The following NREP variants were observed in gnomAD, a reference collection of about 807,000 sequenced individuals.
The protein encoded by NREP is neuronal regeneration related protein.
A neutral mutation model predicts 8.6 loss-of-function variants in NREP; 5 were observed. The ratio of observed to expected loss-of-function variants is 0.58; its 90% CI spans 0.30 to 1.22. The LOEUF (loss-of-function observed/expected upper bound fraction) is 1.22. NREP is among the 50% of genes most tolerant of loss of function. The pLI is 0.07. For synonymous variants in NREP, 27 were observed against 28.0 expected (o/e 0.96, Z 0.11); for missense variants, 86 against 82.5 (o/e 1.04, Z -0.17).
At chr5:111,850,899 T>C (rs1415633784) in intron 2 of NREP, among the ~76,000 whole-genome samples, 5 of 152,180 alleles carry the variant, frequency 3.3e-5, no homozygotes, top group Admixed American at 1.3e-4. Flanking sequence ...GAATTACTAA[T>C]TCATTAATCA....
intron 2 of NREP, among the ~76,000 whole-genome samples, chr5:111,876,329 GC>G (rs1753908632): frequency 1.3e-5 from 2 of 152,106 alleles, no homozygotes; most frequent in South Asian, 4.2e-4. Flanking sequence ...CTCACTATCC[GC>G]CTAAATAATT....
intron 2 of NREP, among the ~76,000 whole-genome samples, chr5:111,788,236 A>C (rs1335806148): frequency 6.6e-6 from 1 of 152,240 alleles, no homozygotes; most frequent in Non-Finnish European, 1.5e-5. Context: ...CAATGGGCCA[A>C]AATGGCCAAA....
intron 2 of NREP, among the ~76,000 whole-genome samples, chr5:111,936,198 G>C (rs1031959654): frequency 6.6e-6 from 1 of 152,072 alleles, no homozygotes; most frequent in African/African-American, 2.4e-5. Flanking sequence ...TTCTGGAATG[G>C]TAATTCCCAT....
intron 2 of NREP, among the ~76,000 whole-genome samples, chr5:111,971,861 G>C (rs1348953324): frequency 2.0e-5 from 3 of 151,674 alleles, no homozygotes; most frequent in Non-Finnish European, 4.4e-5. Flanking sequence ...GACCCTGAAA[G>C]CGTGGGCAGC....
intron 2 of NREP, among the ~76,000 whole-genome samples, chr5:111,871,462 A>C (rs1466196399): frequency 6.6e-6 from 1 of 152,170 alleles, no homozygotes; most frequent in Non-Finnish European, 1.5e-5. Flanking sequence ...AGTACATTAT[A>C]CTACTGTAGA....
At chr5:111,976,826 C>A (rs768065873) in exon 1 of NREP, 5 of 1,010,478 alleles carry the variant, frequency 4.9e-6, no homozygotes, top group Non-Finnish European at 7.5e-6. Context: ...CAGCTCAGGA[C>A]ACAGCTCTGC....
chr5:111,958,938 G>A (rs978140483), intron 2 of NREP, among the ~76,000 whole-genome samples: 1 of 151,762 alleles, frequency 6.6e-6, no homozygotes, highest in Non-Finnish European at 1.5e-5. Context: ...TAATGAGACA[G>A]AATAGATAGC....
intron 2 of NREP, among the ~76,000 whole-genome samples, chr5:111,842,442 A>G (rs1379884063): frequency 6.6e-6 from 1 of 152,110 alleles, no homozygotes; most frequent in Non-Finnish European, 1.5e-5. Flanking sequence ...TTTTAAATTG[A>G]TAAAGACCTA....
rs553522007 is a variant in NREP at position 111,813,127 on chromosome 5, C to G, written c.136-77620G>C. 3.5e-3 allele frequency among the ~76,000 whole-genome samples: 540 copies of G among 152,214 alleles called. 4 individuals carry two copies. Among genetic ancestry groups the G allele is most frequent in the African/African-American group, 0.012 (508 of 41,524 alleles). Reference sequence around the variant, plus strand: ...CATCAGTATATAAAGAAGACCTTATCAAGCCCATTTTATAAATTAAAATTC... The same window carrying G: ...CATCAGTATATAAAGAAGACCTTATGAAGCCCATTTTATAAATTAAAATTC... On this transcript the variant is annotated intron_variant, in intron 2 of 3. Coordinates refer to the NREP transcript ENST00000395634.
chr5:111,746,246 T>TA (rs1749995259), intron 2 of NREP, among the ~76,000 whole-genome samples: 2 of 152,016 alleles, frequency 1.3e-5, no homozygotes, highest in South Asian at 2.1e-4. Context: ...TCATTTTTTT[T>TA]TAAAAAAAGG....
upstream of NREP, among the ~76,000 whole-genome samples, chr5:111,759,760 T>G (rs1719867591): frequency 1.3e-5 from 2 of 152,180 alleles, no homozygotes; most frequent in Non-Finnish European, 2.9e-5. Flanking sequence ...CCATGTCACC[T>G]CACTCAAACT....
intron 2 of NREP, among the ~76,000 whole-genome samples, chr5:111,961,223 C>T (rs1358950472): frequency 1.3e-5 from 2 of 152,176 alleles, no homozygotes; most frequent in African/African-American, 4.8e-5. Flanking sequence ...CACTTTGCTT[C>T]TCATGGATTA....
chr5:111,898,997 A>G (rs1754578912), intron 2 of NREP, among the ~76,000 whole-genome samples: 2 of 152,304 alleles, frequency 1.3e-5, no homozygotes, highest in South Asian at 4.1e-4. Context: ...CAGCCAAGCT[A>G]TTATTCAAAA....
At chr5:111,972,726 G>C (rs534711222) in intron 2 of NREP, among the ~76,000 whole-genome samples, 1 of 152,022 alleles carries the variant, frequency 6.6e-6, no homozygotes, top group Non-Finnish European at 1.5e-5. Context: ...ATCTAGACCC[G>C]AGTCTTGACC....
At chr5:111,828,322 C>A (rs1469477494) in intron 2 of NREP, among the ~76,000 whole-genome samples, 1 of 152,080 alleles carries the variant, frequency 6.6e-6, no homozygotes, top group Non-Finnish European at 1.5e-5. Flanking sequence ...AGACACCGCG[C>A]CCGGCCGGAT....
At chr5:111,905,403 A>G (rs530126895) in intron 2 of NREP, among the ~76,000 whole-genome samples, 18 of 152,280 alleles carry the variant, frequency 1.2e-4, no homozygotes, top group African/African-American at 4.1e-4. Flanking sequence ...GATTTTTTAA[A>G]TAAGTATTGA....
chr5:111,900,241 T>C (rs1046241540), intron 2 of NREP, among the ~76,000 whole-genome samples: 2 of 151,222 alleles, frequency 1.3e-5, no homozygotes, highest in African/African-American at 2.4e-5. Flanking sequence ...CAAGAAAAAA[T>C]TAAAATACAA....
intron 2 of NREP, among the ~76,000 whole-genome samples, chr5:111,933,710 G>C (rs1755605456): frequency 6.6e-6 from 1 of 152,080 alleles, no homozygotes; most frequent in African/African-American, 2.4e-5. Context: ...GCAAGTCTGA[G>C]AAGGGTATCA....
At chr5:111,767,236 A>C (rs1751105923) in intron 2 of NREP, among the ~76,000 whole-genome samples, 1 of 152,210 alleles carries the variant, frequency 6.6e-6, no homozygotes, top group Non-Finnish European at 1.5e-5. Context: ...TTTATGTTTT[A>C]AAGTCTGAGC....
Sources: gnomAD v4.1 joint callset for allele counts (sites outside exome capture counted in the v4.1 genomes callset) on GRCh38, gnomAD v4.1.1 for gene constraint, MANE v1.5 for transcripts, NCBI Gene and HGNC (gene_info 2026-07-23, HGNC 2026-07-21) for gene names.